The following CFLAR variants were observed in gnomAD, a reference collection of about 807,000 sequenced individuals.
CFLAR encodes the protein CASP8 and FADD-like apoptosis regulator.
Under a neutral mutation model 51.1 loss-of-function variants are expected in CFLAR, and 14 were observed. That is an observed-to-expected ratio of 0.27 (90% CI 0.18 to 0.43). CFLAR has a LOEUF of 0.43. Among genes scored for constraint, CFLAR ranks in the 20% least tolerant of loss-of-function variants. The pLI, the probability that CFLAR is intolerant of heterozygous loss-of-function variation, is 1.00. For missense variants in CFLAR, 390 were observed against 566.5 expected (o/e 0.69, Z 3.16); for synonymous variants, 210 against 211.6 (o/e 0.99, Z 0.06).
chr2:201,140,918 G>A (rs998695800), intron 5 of CFLAR, among the ~76,000 whole-genome samples: 2 of 152,050 alleles, frequency 1.3e-5, no homozygotes, highest in Non-Finnish European at 2.9e-5. Flanking sequence ...AAATTTAAAT[G>A]TACTACAAGA....
At chr2:201,149,155 G>A in intron 7 of CFLAR, 103 bp downstream of exon 7, 1 of 739,194 alleles carries the variant, frequency 1.4e-6, no homozygotes, top group Non-Finnish European at 2.4e-6. Context: ...GAGACAGTGG[G>A]ACTCTGAGAG....
Position 201,133,013 on chromosome 2 carries a change from C to T in CFLAR, c.282-16C>T, listed in dbSNP as rs2049536917. 1 of 1,605,162 alleles carries T rather than the reference C, an allele frequency of 6.2e-7. No individual in the cohort carries two copies. The highest frequency in any genetic ancestry group is 8.5e-7 in the Non-Finnish European group (1 of 1,172,512). On this transcript the variant is annotated splice_polypyrimidine_tract_variant and intron_variant, in intron 2 of 9. Coordinates refer to ENST00000309955, the MANE Select transcript of CFLAR (RefSeq NM_003879.7). ...CTGATGTCTGAATTAACTAAATGAA[C>T]TTGTCTGGTTTGCAGAGTGCTGATG...
chr2:201,149,636 G>C (rs1020759461), intron 7 of CFLAR, 118 bp from the exon 8 acceptor site: 17 of 700,810 alleles, frequency 2.4e-5, no homozygotes, highest in African/African-American at 1.8e-4. Flanking sequence ...TTCAGGCTGT[G>C]TCTGTTGAGT....
chr2:201,160,612 A>G lies in CFLAR; in HGVS notation c.974A>G (p.Asp325Gly), dbSNP rs752521532. 3.1e-6 allele frequency: 5 copies of G among 1,613,788 alleles called. No individual in the cohort carries two copies. The highest frequency in any genetic ancestry group is 3.4e-6 in the Non-Finnish European group (4 of 1,179,966). The change falls in exon 9 of 10, where the codon GAT (aspartate) becomes GGT (glycine). Residue 325 changes from aspartate to glycine, a missense_variant. Coordinates refer to ENST00000309955, the MANE Select transcript of CFLAR (RefSeq NM_003879.7). ...RGGSQSVYGVDQTHSGLPLHH... is the reference protein window; with the variant it reads ...RGGSQSVYGVGQTHSGLPLHH... ...GGCTCCCAGAGTGTGTATGGTGTGG[A>G]TCAGACTCACTCAGGGCTCCCCCTG...
Position 201,164,198 on chromosome 2 carries a change from A to G in CFLAR, c.*225A>G. Reference sequence around the variant, plus strand: ...GAGGATCTTTTGAACCCAGGAGTTCAGGGTCATAGCATGCTGTGATTGTGC... The same window carrying G: ...GAGGATCTTTTGAACCCAGGAGTTCGGGGTCATAGCATGCTGTGATTGTGC... On this transcript the variant is annotated 3_prime_UTR_variant, in exon 10 of 10. Transcript: ENST00000309955. 3 of 373,658 alleles carry G rather than the reference A, an allele frequency of 8.0e-6. No homozygotes were observed. The highest frequency in any genetic ancestry group is 9.8e-6 in the Non-Finnish European group (2 of 203,604). 23.1% of individuals were successfully genotyped at this position (373,658 alleles called of 1,614,324 possible). A position where few individuals can be genotyped will look rare whatever the true frequency, so the allele number is the denominator to read the frequency against.
chr2:201,138,372 G>A lies in CFLAR; in HGVS notation c.524-1985G>A, dbSNP rs1559201641. The A allele has an allele frequency of 5.2e-6, 4 of 770,930 alleles. No individual in the cohort carries two copies. The highest frequency in any genetic ancestry group is 9.6e-6 in the Non-Finnish European group (4 of 417,852). The allele number at this position is 770,930 out of a possible 1,614,324, so 47.8% of individuals were successfully genotyped here. A position where few individuals can be genotyped will look rare whatever the true frequency, so the allele number is the denominator to read the frequency against. ...TCCTTGGAGGCCACAGGGTAGTCTC[G>A]GTTCTTCAGCGCGGTGCAGGTGATA... On this transcript the variant is annotated intron_variant, in intron 4 of 9. Transcript: ENST00000309955. The surrounding 1 kb of genome is among the most constrained non-coding windows in gnomAD (Gnocchi z 4.0).
At chr2:201,144,633 A>G (rs1939726143) in intron 5 of CFLAR, among the ~76,000 whole-genome samples, 1 of 152,158 alleles carries the variant, frequency 6.6e-6, no homozygotes, top group South Asian at 2.1e-4. Context: ...CAGAATTAGG[A>G]TTCCTAGCCA....
At chr2:201,152,112 G>A (rs1407600628) in intron 8 of CFLAR, among the ~76,000 whole-genome samples, 3 of 151,602 alleles carry the variant, frequency 2.0e-5, no homozygotes, top group African/African-American at 7.3e-5. Context: ...TCAGCCTCCC[G>A]AGTACATCCC....
chr2:201,132,217 T>C (rs2049407005), intron 2 of CFLAR, among the ~76,000 whole-genome samples: 1 of 152,016 alleles, frequency 6.6e-6, no homozygotes. Flanking sequence ...TTTATTCATC[T>C]GGTGAGTGGG....
intron 2 of CFLAR, 75 bp from the exon 3 acceptor site, chr2:201,132,954 A>T: frequency 6.6e-7 from 1 of 1,515,260 alleles, no homozygotes; most frequent in East Asian, 2.3e-5. Flanking sequence ...ATTGTTGCAT[A>T]GGGGAGGCGT....
chr2:201,138,498 A>G lies in CFLAR; in HGVS notation c.524-1859A>G. 7.9e-7 allele frequency: 1 copy of G among 1,258,542 alleles called. No homozygotes were observed. 78.0% of individuals were successfully genotyped at this position (1,258,542 alleles called of 1,614,324 possible). A position where few individuals can be genotyped will look rare whatever the true frequency, so the allele number is the denominator to read the frequency against. ...CTTTCAACCTCACACTGCTGGAGCC[A>G]CCACTAGCTTGATCCTTGGCATCAT... On this transcript the variant is annotated intron_variant, in intron 4 of 9. Coordinates refer to ENST00000309955, the MANE Select transcript of CFLAR (RefSeq NM_003879.7). This position sits in a 1 kb window ranked among gnomAD's most constrained non-coding sequence, Gnocchi z 4.0.
In CFLAR at chr2:201,133,128, G is replaced by A; in HGVS notation, c.381G>A (p.Lys127=). 6.2e-7 allele frequency: 1 copy of A among 1,611,904 alleles called. No homozygotes were observed. Among genetic ancestry groups the A allele is most frequent in the Non-Finnish European group, 8.5e-7 (1 of 1,177,976 alleles). The change falls in exon 3 of 10, where the codon AAG becomes AAA. Residue 127 remains lysine (K), a synonymous_variant. Transcript: ENST00000309955. ...ACATGGGCCGAGGCAAGATAAGCAAGGAGAAGGTGAGTTTTCTTCTTTTGG... is the reference window on the plus strand; with the variant it reads ...ACATGGGCCGAGGCAAGATAAGCAAAGAGAAGGTGAGTTTTCTTCTTTTGG... ...KDYMGRGKIS[K]EKSFLDLVVE...
intron 8 of CFLAR, chr2:201,152,892 ACAGGTATGAG>A (rs1367304710): frequency 1.3e-5 from 2 of 152,502 alleles, no homozygotes; most frequent in African/African-American, 2.4e-5. Context: ...GCTTTTGGCC[ACAGGTATGAG>A]CAGGTATTGG....
chr2:201,149,731 G>A, intron 7 of CFLAR, 23 bp from the exon 8 acceptor site: 1 of 1,576,408 alleles, frequency 6.3e-7, no homozygotes, highest in East Asian at 2.2e-5. Flanking sequence ...AGAGTCTTTA[G>A]CATTTCTTGT....
In CFLAR at chr2:201,140,749, CTGTA is replaced by C. The variant is rs3044254; in HGVS notation, c.606+320_606+323del. ...TTTTTATGTGGGTTTGCATCTGTAT[CTGTA>C]TGTATGTATATATATATATATATAC... On this transcript the variant is annotated intron_variant, in intron 5 of 9. Transcript: ENST00000309955. 31 of 200,510 alleles carry C rather than the reference CTGTA, an allele frequency of 1.5e-4. 1 individual carries two copies. Among genetic ancestry groups the C allele is most frequent in the African/African-American group, 4.1e-4 (14 of 33,766 alleles). The allele number at this position is 200,510 out of a possible 1,614,324, so 12.4% of individuals were successfully genotyped here.
Position 201,171,939 on chromosome 2 carries a change from A to T in CFLAR, c.*7966A>T, listed in dbSNP as rs1434133419. 6.6e-6 allele frequency: 1 copy of T among 152,184 alleles called. No homozygotes were observed. Among genetic ancestry groups the T allele is most frequent in the Non-Finnish European group, 1.5e-5 (1 of 68,042 alleles). 9.4% of individuals were successfully genotyped at this position (152,184 alleles called of 1,614,324 possible). A position where few individuals can be genotyped will look rare whatever the true frequency, so the allele number is the denominator to read the frequency against. On this transcript the variant is annotated 3_prime_UTR_variant, in exon 10 of 10. Transcript: ENST00000309955. ...CCCCACATCTCCACATCCCCAAAAT[A>T]TAACCATACTTCAAGGGCAGTTCAA...
rs1559270482 is a variant in CFLAR at position 201,167,661 on chromosome 2, T to C, written c.*3688T>C. On this transcript the variant is annotated 3_prime_UTR_variant, in exon 10 of 10. Transcript: ENST00000309955. The stretch of plus-strand genomic sequence containing the variant: ...AATGTGTATGCTTGGCCTCATGAGC[T>C]AAAACCCTGTGTTAATTATGACAGA... 2.0e-5 allele frequency: 3 copies of C among 152,252 alleles called. No homozygotes were observed. The highest frequency in any genetic ancestry group is 7.2e-5 in the African/African-American group (3 of 41,460). 9.4% of individuals were successfully genotyped at this position (152,252 alleles called of 1,614,324 possible). A position where few individuals can be genotyped will look rare whatever the true frequency, so the allele number is the denominator to read the frequency against.
Position 201,145,415 on chromosome 2 carries a change from A to G in CFLAR, c.644A>G (p.Glu215Gly), listed in dbSNP as rs776568972. The G allele has an allele frequency of 6.2e-7, 1 of 1,607,660 alleles. No homozygotes were observed. Among genetic ancestry groups the G allele is most frequent in the Non-Finnish European group, 8.5e-7 (1 of 1,174,630 alleles). ...NGRSKEQRLKEQLGAQQEPVK... is the reference protein window; with the variant it reads ...NGRSKEQRLKGQLGAQQEPVK... ...AGAAGTAAAGAACAAAGACTTAAGG[A>G]ACAGCTTGGCGCTCAACGTAAGACC... is the stretch of plus-strand genomic sequence containing the variant. Residue 215 changes from glutamate to glycine, a missense_variant, in exon 6 of 10, where the codon GAA becomes GGA. By Grantham distance (98) the Glu-to-Gly change is moderately conservative. This residue lies in a region of CFLAR where 287 missense variants were observed against 363.6 expected (regional missense o/e 0.79). Coordinates refer to ENST00000309955, the MANE Select transcript of CFLAR (RefSeq NM_003879.7).
chr2:201,136,295 A>C, intron 4 of CFLAR, 188 bp downstream of exon 4: 1 of 1,599,342 alleles, frequency 6.3e-7, no homozygotes, highest in Non-Finnish European at 8.5e-7. Context: ...TGCCAACTCC[A>C]TTGCCCTGTA....
Sources: gnomAD v4.1 joint callset for allele counts (sites outside exome capture counted in the v4.1 genomes callset) on GRCh38, gnomAD v4.1.1 for gene constraint, gnomAD v4.1.1 regional missense constraint, Gnocchi (gnomAD v3.1) non-coding constraint, MANE v1.5 for transcripts, NCBI Gene and HGNC (gene_info 2026-07-23, HGNC 2026-07-21) for gene names.